Variants in FGF12 observed in about 807,000 individuals in gnomAD.
FGF12 encodes the protein fibroblast growth factor 12, also known as fibroblast growth factor 12B.
FGF12 carries 14 observed loss-of-function variants against 23.6 expected under a neutral mutation model. The observed-to-expected ratio is 0.59, with a 90% CI of 0.39 to 0.93. The LOEUF is 0.93. Among genes scored for constraint, FGF12 ranks in the 40% least tolerant of loss-of-function variants. The probability of loss-of-function intolerance (pLI) is 0.00; values close to 1 mark genes in which losing one functional copy is unlikely to be tolerated. For missense variants in FGF12, 175 were observed against 217.8 expected (o/e 0.80, Z 1.24); for synonymous variants, 62 against 77.3 (o/e 0.80, Z 1.04).
chr3:192,587,335 G>C (rs1226154501), intron 2 of FGF12, among the ~76,000 whole-genome samples: 3 of 151,934 alleles, frequency 2.0e-5, no homozygotes, highest in Admixed American at 6.6e-5. Context: ...TATTCTAGGA[G>C]TGGACCCACT....
chr3:192,151,283 C>G (rs1166771397), intron 5 of FGF12, among the ~76,000 whole-genome samples: 1 of 133,988 alleles, frequency 7.5e-6, no homozygotes, highest in Non-Finnish European at 1.6e-5. Context: ...TTGACTTCCT[C>G]TTTTCCTAAT....
At chr3:192,273,202 A>G (rs1713558915) in intron 4 of FGF12, among the ~76,000 whole-genome samples, 1 of 152,192 alleles carries the variant, frequency 6.6e-6, no homozygotes, top group African/African-American at 2.4e-5. Flanking sequence ...AAATGTGTTA[A>G]TGGGGAAATC....
At chr3:192,338,061 C>A (rs1372721197) in intron 3 of FGF12, among the ~76,000 whole-genome samples, 2 of 152,124 alleles carry the variant, frequency 1.3e-5, no homozygotes. Context: ...GGGGAAAATG[C>A]ATCTAAACAA....
intron 2 of FGF12, among the ~76,000 whole-genome samples, chr3:192,587,801 CA>C (rs1323062613): frequency 6.6e-6 from 1 of 151,886 alleles, no homozygotes. Flanking sequence ...AGCTGGGTGA[CA>C]CAGGGAGACC....
At chr3:192,484,708 C>A (rs557465823) in intron 2 of FGF12, among the ~76,000 whole-genome samples, 39 of 152,138 alleles carry the variant, frequency 2.6e-4, no homozygotes, top group Non-Finnish European at 4.4e-5. Flanking sequence ...CAGGCTGAAT[C>A]GACAGGCCCA....
intron 2 of FGF12, among the ~76,000 whole-genome samples, chr3:192,371,113 C>T (rs1234808289): frequency 2.0e-5 from 3 of 152,168 alleles, no homozygotes; most frequent in Non-Finnish European, 4.4e-5. Context: ...CATGGCTTTC[C>T]AGGCAGCTCA....
intron 4 of FGF12, among the ~76,000 whole-genome samples, chr3:192,244,396 A>C (rs1002342994): frequency 6.6e-6 from 1 of 152,164 alleles, no homozygotes; most frequent in African/African-American, 2.4e-5. Flanking sequence ...ATTCGGAATA[A>C]TCTCCAAGAA....
At chr3:192,347,316 A>G (rs1430533673) in intron 3 of FGF12, among the ~76,000 whole-genome samples, 4 of 152,192 alleles carry the variant, frequency 2.6e-5, no homozygotes, top group Non-Finnish European at 5.9e-5. Context: ...AGCTTGTTGG[A>G]AAGGCAGAAT....
chr3:192,308,786 G>A (rs774674589), intron 4 of FGF12, among the ~76,000 whole-genome samples: 19 of 152,096 alleles, frequency 1.2e-4, no homozygotes, highest in African/African-American at 4.1e-4. Flanking sequence ...TTTACTTGAC[G>A]GAGCATTGGG....
At chr3:192,589,409 C>T (rs2701594) in intron 2 of FGF12, among the ~76,000 whole-genome samples, 34,858 of 150,992 alleles carry the variant, frequency 0.23, 5,128 homozygotes, top group East Asian at 0.34. Flanking sequence ...CCATTTTATA[C>T]GAGCAGGTTG....
At chr3:192,317,891 G>C (rs1356526307) in intron 4 of FGF12, among the ~76,000 whole-genome samples, 1 of 152,174 alleles carries the variant, frequency 6.6e-6, no homozygotes, top group Non-Finnish European at 1.5e-5. Flanking sequence ...GAGAGAGAGA[G>C]AGAGACTGCA....
At chr3:192,688,718 T>A (rs1228745539) in intron 2 of FGF12, among the ~76,000 whole-genome samples, 1 of 152,116 alleles carries the variant, frequency 6.6e-6, no homozygotes, top group Non-Finnish European at 1.5e-5. Flanking sequence ...TACTATATAA[T>A]CCAGCATTTT....
At chr3:192,599,452 C>G (rs1430231971) in intron 2 of FGF12, among the ~76,000 whole-genome samples, 1 of 151,840 alleles carries the variant, frequency 6.6e-6, no homozygotes, top group African/African-American at 2.4e-5. Context: ...TGTTACCTAC[C>G]TCAGAAGGTA....
intron 2 of FGF12, among the ~76,000 whole-genome samples, chr3:192,467,230 G>A (rs1723037444): frequency 6.6e-6 from 1 of 152,154 alleles, no homozygotes; most frequent in East Asian, 1.9e-4. Flanking sequence ...CATGGGCCTG[G>A]GTTCTGCTCC....
chr3:192,400,123 A>G (rs1384295341), intron 2 of FGF12, among the ~76,000 whole-genome samples: 1 of 152,236 alleles, frequency 6.6e-6, no homozygotes, highest in Non-Finnish European at 1.5e-5. Flanking sequence ...ATGAGGCATT[A>G]ACATAAGTGT....
At chr3:192,645,728 T>A (rs2108670329) in intron 2 of FGF12, among the ~76,000 whole-genome samples, 1 of 139,990 alleles carries the variant, frequency 7.1e-6, no homozygotes, top group Middle Eastern at 4.3e-3. Flanking sequence ...TGCCAGAAAC[T>A]GTTTTAGATG....
intron 4 of FGF12, among the ~76,000 whole-genome samples, chr3:192,285,595 CT>C (rs1714404415): frequency 6.6e-6 from 1 of 151,826 alleles, no homozygotes; most frequent in Admixed American, 6.6e-5. Context: ...ACTTGAAATT[CT>C]TTTAAATTCT....
chr3:192,512,188 TTAAG>T (rs2108840111), intron 2 of FGF12, among the ~76,000 whole-genome samples: 1 of 152,244 alleles, frequency 6.6e-6, no homozygotes, highest in South Asian at 2.1e-4. Flanking sequence ...TAATTTCTCC[TTAAG>T]TTAGTTTTAA....
intron 2 of FGF12, among the ~76,000 whole-genome samples, chr3:192,683,803 G>A (rs1006342452): frequency 3.9e-5 from 6 of 152,078 alleles, no homozygotes; most frequent in African/African-American, 1.2e-4. Flanking sequence ...AAAGGCACAG[G>A]CAACAGAATT....
Sources: allele counts gnomAD v4.1 joint callset (sites outside exome capture counted in the v4.1 genomes callset), GRCh38; gene constraint gnomAD v4.1.1; transcripts MANE v1.5; gene names NCBI Gene and HGNC (gene_info 2026-07-23, HGNC 2026-07-21).